C1orf52: variants seen among roughly 807,000 people sequenced by gnomAD.
The protein encoded by C1orf52 is UPF0690 protein C1orf52.
C1orf52 carries 5 observed loss-of-function variants against 17.2 expected under a neutral mutation model. The observed-to-expected ratio is 0.29, with a 90% CI of 0.15 to 0.61. The LOEUF is 0.61. Among genes scored for constraint, C1orf52 ranks in the 20% least tolerant of loss-of-function variants. The probability of loss-of-function intolerance (pLI) is 0.85; values close to 1 mark genes in which losing one functional copy is unlikely to be tolerated. For synonymous variants in C1orf52, 110 were observed against 88.0 expected, an observed-to-expected ratio of 1.25 and a Z score of -1.40; for missense variants, 245 against 234.1, an observed-to-expected ratio of 1.05 and a Z score of -0.30.
rs993244306 is a variant in C1orf52 at position 85,259,373 on chromosome 1, G to C, written c.261C>G (p.Val87=). 5.0e-6 allele frequency: 8 copies of C among 1,611,364 alleles called. No individual in the cohort carries two copies. The highest frequency in any genetic ancestry group is 6.8e-6 in the Non-Finnish European group (8 of 1,177,772). ...NKQIDWERHV[V]KAPEEPPKEF... is the part of the protein sequence containing the mutation. ...GGGACCTCACCTCCTCAGGCGCCTT[G>C]ACGACGTGCCTCTCCCAGTCTATCT... is the stretch of plus-strand genomic sequence containing the variant. The change falls in exon 1 of 3, where the codon GTC becomes GTG. Residue 87 remains valine, a synonymous_variant. Transcript: ENST00000471115.
At chr1:85,259,201 G>C (rs933116234) in intron 1 of C1orf52, 157 bp downstream of exon 1, 1 of 1,153,932 alleles carries the variant, frequency 8.7e-7, no homozygotes, top group East Asian at 2.5e-5. Flanking sequence ...GGGAGAGGGG[G>C]CCAGGTTTCC....
At position 85,259,570 on chromosome 1, in the gene C1orf52, A is replaced by G; in HGVS notation, c.64T>C (p.Ser22Pro). 1.2e-6 allele frequency: 2 copies of G among 1,610,762 alleles called. No homozygotes were observed. Among genetic ancestry groups the G allele is most frequent in the Non-Finnish European group, 1.7e-6 (2 of 1,178,868 alleles). Residue 22 changes from serine to proline, a missense_variant, in exon 1 of 3, where the codon TCC (serine) becomes CCC (proline). Ser to Pro is a moderately conservative substitution (Grantham distance 74). Transcript: ENST00000471115. ...FAAYGSSSSG[S>P]SDEEDNIEPE... ...TCGATGTTATCCTCCTCGTCCGAGG[A>G]GCCTGAGCTGCTGCTCCCGTATGCC...
intron 1 of C1orf52, chr1:85,259,044 AG>A: frequency 8.7e-7 from 1 of 1,149,990 alleles, no homozygotes; most frequent in Non-Finnish European, 1.1e-6. Flanking sequence ...GTCAAAGGGA[AG>A]GGGTCTCAGG....
chr1:85,253,441 G>A (rs1222470347), intron 2 of C1orf52, among the ~76,000 whole-genome samples: 1 of 151,990 alleles, frequency 6.6e-6, no homozygotes, highest in African/African-American at 2.4e-5. Context: ...AGGTTAAAAA[G>A]CACTCACAAG....
At chr1:85,258,050 T>C (rs12143140) in intron 2 of C1orf52, among the ~76,000 whole-genome samples, 54,988 of 149,742 alleles carry the variant, frequency 0.37, 10,097 homozygotes, top group South Asian at 0.39. Flanking sequence ...ACCTGGGAGG[T>C]GGAGGTTCGC....
rs1659788291 is a variant in C1orf52, at chr1:85,250,975, T to C, written c.*1654A>G. 1 of 152,220 alleles carries C rather than the reference T, an allele frequency of 6.6e-6. No individual in the cohort carries two copies. Among genetic ancestry groups the C allele is most frequent in the African/African-American group, 2.4e-5 (1 of 41,464 alleles). The allele number at this position is 152,220 out of a possible 1,614,324, so 9.4% of individuals were successfully genotyped here. On this transcript the variant is annotated 3_prime_UTR_variant, in exon 3 of 3. Coordinates refer to ENST00000471115, the MANE Select transcript of C1orf52 (RefSeq NM_198077.4). ...TTCATATATTTGCAAACCTGGAGGATGGGCAGCTATAGAATTGGTTTTTCT... is the reference window on the plus strand; with the variant it reads ...TTCATATATTTGCAAACCTGGAGGACGGGCAGCTATAGAATTGGTTTTTCT...
intron 1 of C1orf52, 49 bp downstream of exon 1, chr1:85,259,309 G>T (rs773762319): frequency 6.3e-7 from 1 of 1,585,472 alleles, no homozygotes; most frequent in Admixed American, 1.7e-5. Context: ...TCAGGAGAAA[G>T]GGGGCGCAGG....
intron 2 of C1orf52, among the ~76,000 whole-genome samples, chr1:85,257,065 C>T (rs1351877094): frequency 6.6e-6 from 1 of 152,142 alleles, no homozygotes. Context: ...CTAAGTAGCC[C>T]TTGTATTGTG....
rs756652136 is a variant in C1orf52, at chr1:85,259,645, G to T, written c.-12C>A. The T allele has an allele frequency of 1.3e-6, 2 of 1,532,956 alleles. No individual in the cohort carries two copies. The highest frequency in any genetic ancestry group is 1.2e-5 in the South Asian group (1 of 82,734). The allele number at this position is 1,532,956 out of a possible 1,614,324, so 95.0% of individuals were successfully genotyped here. A position where few individuals can be genotyped will look rare whatever the true frequency, so the allele number is the denominator to read the frequency against. On this transcript the variant is annotated 5_prime_UTR_variant, in exon 1 of 3. Coordinates refer to ENST00000471115, the MANE Select transcript of C1orf52 (RefSeq NM_198077.4). The stretch of plus-strand genomic sequence containing the variant: ...TCCTCCGCTGCCATGACGGCTGCGA[G>T]CGACAACCCAGCACTCCGCCGGAAG...
At position 85,259,528 on chromosome 1, in the gene C1orf52, G is replaced by A. The variant is rs774575239; in HGVS notation, c.106C>T (p.Arg36Cys). 9 of 1,613,916 alleles carry A rather than the reference G, an allele frequency of 5.6e-6. No homozygotes were observed. The East Asian group carries it at 2.0e-4, about 36-fold the overall frequency. ...EDNIEPEETS[R>C]RTPDPAKSAG... ...GACTTCGCCGGATCCGGGGTTCTGC[G>A]ACTCGTCTCCTCCGGCTCGATGTTA... The change falls in exon 1 of 3, where the codon CGC becomes TGC. Residue 36 changes from arginine to cysteine, a missense_variant. By Grantham distance (180) the Arg-to-Cys change is radical. Coordinates refer to ENST00000471115, the MANE Select transcript of C1orf52 (RefSeq NM_198077.4).
Position 85,259,274 on chromosome 1 carries a change from G to A in C1orf52, c.276+84C>T, listed in dbSNP as rs1660027573. On this transcript the variant is annotated intron_variant, in intron 1 of 2. Transcript: ENST00000471115. ...CGGGGGTGACTGCGTGTGGGGGGATGGACAGCAGGTCCCCAGCAGGGGGCT... is the reference window on the plus strand; with the variant it reads ...CGGGGGTGACTGCGTGTGGGGGGATAGACAGCAGGTCCCCAGCAGGGGGCT... 12 of 1,483,430 alleles carry A rather than the reference G, an allele frequency of 8.1e-6. No individual in the cohort carries two copies. The Admixed American group carries it at 9.4e-5, about 12-fold the overall frequency. 91.9% of individuals were successfully genotyped at this position (1,483,430 alleles called of 1,614,324 possible). A position where few individuals can be genotyped will look rare whatever the true frequency, so the allele number is the denominator to read the frequency against.
Position 85,259,341 on chromosome 1 carries a change from G to A in C1orf52, c.276+17C>T, listed in dbSNP as rs766697321. ...CAGGCCGGGGCCGAGACCGAGAAAC[G>A]GGGTCGGGGACCTCACCTCCTCAGG... On this transcript the variant is annotated intron_variant, in intron 1 of 2. Coordinates refer to ENST00000471115, the MANE Select transcript of C1orf52 (RefSeq NM_198077.4). The A allele has an allele frequency of 6.2e-7, 1 of 1,602,974 alleles. No individual in the cohort carries two copies. The highest frequency in any genetic ancestry group is 8.5e-7 in the Non-Finnish European group (1 of 1,171,108).
At chr1:85,258,844 G>A in intron 1 of C1orf52, 122 bp from the exon 2 acceptor site, 9 of 1,416,620 alleles carry the variant, frequency 6.4e-6, no homozygotes, top group Non-Finnish European at 7.4e-6. Context: ...CTTTAAGGTT[G>A]AAAGACACAT....
rs1189723780 is a variant in C1orf52, at chr1:85,250,653, G to C, written c.*1976C>G. On this transcript the variant is annotated 3_prime_UTR_variant, in exon 3 of 3. Coordinates refer to ENST00000471115, the MANE Select transcript of C1orf52 (RefSeq NM_198077.4). ...TACTCTGCACATCTCCCAGGAAAGA[G>C]AGAAAAAAGTTTGCTTTCATGCTAA... is the stretch of plus-strand genomic sequence containing the variant. 6.6e-6 allele frequency: 1 copy of C among 152,172 alleles called. No homozygotes were observed. The highest frequency in any genetic ancestry group is 1.5e-5 in the Non-Finnish European group (1 of 68,028). The allele number at this position is 152,172 out of a possible 1,614,324, so 9.4% of individuals were successfully genotyped here. A position where few individuals can be genotyped will look rare whatever the true frequency, so the allele number is the denominator to read the frequency against.
In C1orf52 at chr1:85,259,577, G is replaced by A; in HGVS notation, c.57C>T (p.Ser19=). The change falls in exon 1 of 3, where the codon AGC becomes AGT. Residue 19 remains serine, a synonymous_variant. Transcript: ENST00000471115. ...TATCCTCCTCGTCCGAGGAGCCTGA[G>A]CTGCTGCTCCCGTATGCCGCAAAAT... is the stretch of plus-strand genomic sequence containing the variant. ...LSYFAAYGSS[S]SGSSDEEDNI... 6.2e-7 allele frequency: 1 copy of A among 1,607,588 alleles called. No individual in the cohort carries two copies. Among genetic ancestry groups the A allele is most frequent in the Non-Finnish European group, 8.5e-7 (1 of 1,177,524 alleles).
intron 2 of C1orf52, among the ~76,000 whole-genome samples, chr1:85,254,681 G>A (rs1659884300): frequency 6.6e-6 from 1 of 152,168 alleles, no homozygotes. Flanking sequence ...GTGAGCCACC[G>A]CACCCGGCAC....
intron 2 of C1orf52, among the ~76,000 whole-genome samples, chr1:85,255,383 C>G (rs1659911398): frequency 6.6e-6 from 1 of 152,056 alleles, no homozygotes; most frequent in Non-Finnish European, 1.5e-5. Flanking sequence ...AACCCCATCT[C>G]CACTAAAAAT....
At position 85,251,910 on chromosome 1, in the gene C1orf52, T is replaced by A. The variant is rs1311934904; in HGVS notation, c.*719A>T. On this transcript the variant is annotated 3_prime_UTR_variant, in exon 3 of 3. Coordinates refer to ENST00000471115, the MANE Select transcript of C1orf52 (RefSeq NM_198077.4). ...CTGGTGGACAGGTGGTTTAATGTGA[T>A]GATTTTGAGGTTCAAGTGTCCCAAG... is the stretch of plus-strand genomic sequence containing the variant. 6.6e-6 allele frequency: 1 copy of A among 152,186 alleles called. No homozygotes were observed. Among genetic ancestry groups the A allele is most frequent in the Non-Finnish European group, 1.5e-5 (1 of 68,018 alleles). 9.4% of individuals were successfully genotyped at this position (152,186 alleles called of 1,614,324 possible). A position where few individuals can be genotyped will look rare whatever the true frequency, so the allele number is the denominator to read the frequency against.
Position 85,250,122 on chromosome 1 carries a change from G to GT in C1orf52, c.*2506dup, listed in dbSNP as rs1231618745. On this transcript the variant is annotated 3_prime_UTR_variant, in exon 3 of 3. Transcript: ENST00000471115. ...ATGGTTTTTAAAACCATCAGATCTC[G>GT]TAAGACTCATTCACTATCATAAGAA... 3 of 152,222 alleles carry GT rather than the reference G, an allele frequency of 2.0e-5. No individual in the cohort carries two copies. In the East Asian group the frequency reaches 5.8e-4, roughly 29 times the overall value. The allele number at this position is 152,222 out of a possible 1,614,324, so 9.4% of individuals were successfully genotyped here. A position where few individuals can be genotyped will look rare whatever the true frequency, so the allele number is the denominator to read the frequency against.
Sources: allele counts gnomAD v4.1 joint callset (sites outside exome capture counted in the v4.1 genomes callset), GRCh38; gene constraint gnomAD v4.1.1; transcripts MANE v1.5; gene names NCBI Gene and HGNC (gene_info 2026-07-23, HGNC 2026-07-21).